The following ATXN7L1 variants were observed in gnomAD, a reference collection of about 807,000 sequenced individuals.
The protein encoded by ATXN7L1 is ataxin 7 like 1, also known as ataxin-7-like protein 1.
A neutral mutation model predicts 70.8 loss-of-function variants in ATXN7L1; 15 were observed. The observed-to-expected ratio is 0.21, with a 90% CI of 0.14 to 0.33. ATXN7L1 has a LOEUF of 0.33. Ranked by LOEUF, ATXN7L1 falls within the 10% of genes least tolerant of loss-of-function variation. The pLI is 1.00. For missense variants in ATXN7L1, 975 were observed against 1,097.1 expected, an observed-to-expected ratio of 0.89 and a Z score of 1.57; for synonymous variants, 440 against 445.1, an observed-to-expected ratio of 0.99 and a Z score of 0.14.
At chr7:105,663,774 CT>C (rs1426191054) in intron 4 of ATXN7L1, among the ~76,000 whole-genome samples, 2 of 150,680 alleles carry the variant, frequency 1.3e-5, no homozygotes, top group Middle Eastern at 3.4e-3. Flanking sequence ...TTTTTTTTTT[CT>C]TTTTTTTGAG....
chr7:105,790,005 T>C (rs1168041795), intron 2 of ATXN7L1, among the ~76,000 whole-genome samples: 2 of 152,186 alleles, frequency 1.3e-5, no homozygotes, highest in African/African-American at 4.8e-5. Context: ...GTCTACAGTG[T>C]GGATAAACCT....
chr7:105,826,343 T>C (rs1810866910), intron 2 of ATXN7L1, among the ~76,000 whole-genome samples: 1 of 152,214 alleles, frequency 6.6e-6, no homozygotes, highest in African/African-American at 2.4e-5. Context: ...CAGGTCTCAG[T>C]TGCTTCATCT....
chr7:105,763,776 T>C (rs190621077), intron 3 of ATXN7L1, among the ~76,000 whole-genome samples: 1 of 152,286 alleles, frequency 6.6e-6, no homozygotes, highest in East Asian at 1.9e-4. Context: ...TAGACACCCA[T>C]GCAGGAGGTG....
At chr7:105,687,897 A>G (rs1790163367) in intron 3 of ATXN7L1, among the ~76,000 whole-genome samples, 1 of 152,132 alleles carries the variant, frequency 6.6e-6, no homozygotes, top group African/African-American at 2.4e-5. Context: ...CTGACACCAT[A>G]CCCACTCACC....
chr7:105,799,059 C>CA (rs1209787026), intron 2 of ATXN7L1, among the ~76,000 whole-genome samples: 1 of 152,226 alleles, frequency 6.6e-6, no homozygotes, highest in Non-Finnish European at 1.5e-5. Flanking sequence ...CTACCACAGA[C>CA]AGAGATGCAC....
At chr7:105,658,366 C>A (rs1052159569) in intron 4 of ATXN7L1, among the ~76,000 whole-genome samples, 1 of 152,106 alleles carries the variant, frequency 6.6e-6, no homozygotes, top group African/African-American at 2.4e-5. Flanking sequence ...CAAACCTGTA[C>A]AGCATGTGAC....
chr7:105,659,374 G>A (rs922988276), intron 4 of ATXN7L1, among the ~76,000 whole-genome samples: 3 of 152,216 alleles, frequency 2.0e-5, no homozygotes, highest in African/African-American at 7.2e-5. Flanking sequence ...CGCTTGTTGA[G>A]TTGGTGAGAG....
At chr7:105,709,380 G>A (rs13239864) in intron 3 of ATXN7L1, among the ~76,000 whole-genome samples, 8,533 of 152,106 alleles carry the variant, frequency 0.056, 282 homozygotes, top group Admixed American at 0.073. Context: ...CTTTGACTTC[G>A]TAGGGCCTTG....
At chr7:105,681,599 C>A (rs1805564961) in intron 3 of ATXN7L1, among the ~76,000 whole-genome samples, 1 of 152,080 alleles carries the variant, frequency 6.6e-6, no homozygotes, top group Non-Finnish European at 1.5e-5. Context: ...TGTGGGTATA[C>A]CCACATTCAT....
chr7:105,748,116 CAAAA>C (rs10566200), intron 3 of ATXN7L1, among the ~76,000 whole-genome samples: 8 of 121,966 alleles, frequency 6.6e-5, no homozygotes, highest in Non-Finnish European at 3.5e-5. Context: ...AACTCCATCT[CAAAA>C]AAAAAAAAAA....
At chr7:105,819,164 G>A (rs914884479) in intron 2 of ATXN7L1, among the ~76,000 whole-genome samples, 1 of 151,892 alleles carries the variant, frequency 6.6e-6, no homozygotes, top group African/African-American at 2.4e-5. Flanking sequence ...ATAGTTTGCT[G>A]AGAATGATGG....
chr7:105,862,919 C>T (rs1816849665), intron 2 of ATXN7L1, among the ~76,000 whole-genome samples: 1 of 152,116 alleles, frequency 6.6e-6, no homozygotes, highest in Admixed American at 6.6e-5. Context: ...TGTCACTGCC[C>T]TCTCAGAGAC....
chr7:105,735,678 G>A (rs1423285537), intron 3 of ATXN7L1, among the ~76,000 whole-genome samples: 3 of 152,038 alleles, frequency 2.0e-5, no homozygotes, highest in Admixed American at 2.0e-4. Context: ...TTGTTTTTAG[G>A]GAAGATTATA....
At chr7:105,685,085 T>TAAA (rs1554428840) in intron 3 of ATXN7L1, among the ~76,000 whole-genome samples, 5 of 144,222 alleles carry the variant, frequency 3.5e-5, no homozygotes, top group East Asian at 4.0e-4. Context: ...ATAATAATAA[T>TAAA]AAATGGTTTT....
chr7:105,761,520 T>C (rs1404948193), intron 3 of ATXN7L1: 2 of 1,593,938 alleles, frequency 1.3e-6, no homozygotes, highest in Admixed American at 3.5e-5. Context: ...ATGGCTCCTT[T>C]GGAAATTATA....
intron 7 of ATXN7L1, among the ~76,000 whole-genome samples, chr7:105,633,824 G>A (rs1205289861): frequency 6.6e-6 from 1 of 152,170 alleles, no homozygotes; most frequent in Non-Finnish European, 1.5e-5. Flanking sequence ...GAGGAGATGA[G>A]TGGAAGATTC....
Position 105,767,065 on chromosome 7 carries a change from A to AT in ATXN7L1, c.355+21538dup, listed in dbSNP as rs571687290. Among the ~76,000 whole-genome samples, 5 of 152,270 alleles carry AT rather than the reference A, an allele frequency of 3.3e-5. No individual in the cohort carries two copies. The South Asian group carries it at 1.0e-3, about 32-fold the overall frequency. ...GAAGCAAGGGTTCCAGATGACAGGG[A>AT]TTTTTCCCGTGTTGAGGCAGACAGA... On this transcript the variant is annotated intron_variant, in intron 3 of 11. Coordinates refer to ENST00000419735, the MANE Select transcript of ATXN7L1 (RefSeq NM_020725.2).
At chr7:105,860,166 T>TATAC (rs1381967381) in intron 2 of ATXN7L1, among the ~76,000 whole-genome samples, 8 of 140,756 alleles carry the variant, frequency 5.7e-5, no homozygotes, top group East Asian at 2.0e-4. Flanking sequence ...TATATATATA[T>TATAC]ATGAAAACAA....
chr7:105,702,805 C>A (rs2116240578), intron 3 of ATXN7L1, among the ~76,000 whole-genome samples: 1 of 152,016 alleles, frequency 6.6e-6, no homozygotes, highest in South Asian at 2.1e-4. Context: ...CACGGAGAAA[C>A]CCCGTCTCTA....
Sources: gnomAD v4.1 joint callset for allele counts (sites outside exome capture counted in the v4.1 genomes callset) on GRCh38, gnomAD v4.1.1 for gene constraint, MANE v1.5 for transcripts, NCBI Gene and HGNC (gene_info 2026-07-23, HGNC 2026-07-21) for gene names.